CMIP: variants seen among roughly 807,000 people sequenced by gnomAD.
The protein encoded by CMIP is c-Maf inducing protein.
In CMIP, 13 loss-of-function variants were observed where a neutral mutation model predicts 97.3. The observed-to-expected ratio is 0.13, with a 90% CI of 0.09 to 0.21. CMIP has a LOEUF of 0.21. Ranked by LOEUF, CMIP falls within the 10% of genes least tolerant of loss-of-function variation. CMIP has a pLI of 1.00. For synonymous variants in CMIP, 538 were observed against 436.3 expected, an observed-to-expected ratio of 1.23 and a Z score of -2.91; for missense variants, 847 against 1,024.9, an observed-to-expected ratio of 0.83 and a Z score of 2.37.
At chr16:81,569,426 C>G (rs1239944478) in intron 1 of CMIP, among the ~76,000 whole-genome samples, 1 of 152,202 alleles carries the variant, frequency 6.6e-6, no homozygotes, top group African/African-American at 2.4e-5. Context: ...TTTTCCACCA[C>G]TGTTTGGTCC....
intron 7 of CMIP, among the ~76,000 whole-genome samples, chr16:81,669,165 C>CAT (rs2092650055): frequency 1.5e-5 from 2 of 129,148 alleles, no homozygotes; most frequent in East Asian, 5.1e-4. Context: ...ACACCCCTCT[C>CAT]ACCTCCTTCC....
chr16:81,670,618 T>A (rs2092673590), intron 8 of CMIP, among the ~76,000 whole-genome samples: 1 of 54,918 alleles, frequency 1.8e-5, no homozygotes, highest in African/African-American at 8.6e-5. Context: ...TTGGGTTTTT[T>A]TTGGGGGGGG....
intron 1 of CMIP, among the ~76,000 whole-genome samples, chr16:81,463,667 C>T (rs553342363): frequency 1.3e-5 from 2 of 152,204 alleles, no homozygotes; most frequent in Non-Finnish European, 2.9e-5. Flanking sequence ...GTGCCAGGCA[C>T]TTATTCAGCC....
chr16:81,637,663 G>T (rs764946505), intron 3 of CMIP, among the ~76,000 whole-genome samples: 1 of 152,166 alleles, frequency 6.6e-6, no homozygotes. Flanking sequence ...AACATGGCTT[G>T]CTTGAGCCTC....
At chr16:81,679,047 C>T (rs1304223197) in intron 10 of CMIP, among the ~76,000 whole-genome samples, 1 of 152,116 alleles carries the variant, frequency 6.6e-6, no homozygotes, top group Non-Finnish European at 1.5e-5. Context: ...CCAGGGTGTG[C>T]AGGAGCACAG....
chr16:81,506,379 C>G (rs2150784976), intron 1 of CMIP, among the ~76,000 whole-genome samples: 1 of 152,088 alleles, frequency 6.6e-6, no homozygotes, highest in East Asian at 1.9e-4. Flanking sequence ...GACCTCTGTT[C>G]TTAAGAGGTG....
In CMIP at chr16:81,606,229, G is replaced by A. The variant is rs559348447; in HGVS notation, c.301-1338G>A. On this transcript the variant is annotated intron_variant, in intron 1 of 20. Transcript: ENST00000537098. ...TGCCACTCCTAGCTAGATGACCTTGGGCAAATCACGTGACCTCCTGAGCCT... is the reference window on the plus strand; with the variant it reads ...TGCCACTCCTAGCTAGATGACCTTGAGCAAATCACGTGACCTCCTGAGCCT... Among the ~76,000 whole-genome samples the A allele has an allele frequency of 3.9e-5, 6 of 152,272 alleles. No homozygotes were observed. In the South Asian group the frequency reaches 6.2e-4, roughly 16 times the overall value.
At chr16:81,556,213 G>A (rs939000683) in intron 1 of CMIP, among the ~76,000 whole-genome samples, 10 of 152,100 alleles carry the variant, frequency 6.6e-5, no homozygotes, top group East Asian at 1.9e-4. Flanking sequence ...GTTCTAGCCC[G>A]GGTGGGGTGG....
At chr16:81,487,112 A>G (rs1347722796) in intron 1 of CMIP, among the ~76,000 whole-genome samples, 2 of 150,952 alleles carry the variant, frequency 1.3e-5, no homozygotes, top group South Asian at 2.1e-4. Context: ...GCCTCTGGTC[A>G]TGGGGGGCCC....
chr16:81,458,084 A>C (rs1299714254), intron 1 of CMIP, among the ~76,000 whole-genome samples: 1 of 152,212 alleles, frequency 6.6e-6, no homozygotes, highest in Non-Finnish European at 1.5e-5. Context: ...GTAAGGAAAA[A>C]TGACTTCAAA....
At chr16:81,600,139 AGTGGT>A (rs2091633336) in intron 1 of CMIP, among the ~76,000 whole-genome samples, 1 of 151,872 alleles carries the variant, frequency 6.6e-6, no homozygotes, top group South Asian at 2.1e-4. Flanking sequence ...ATTAGCCAGG[AGTGGT>A]GGTGGGTGAC....
intron 17 of CMIP, among the ~76,000 whole-genome samples, chr16:81,702,920 T>C (rs541185698): frequency 2.5e-4 from 38 of 152,230 alleles, no homozygotes; most frequent in Non-Finnish European, 5.0e-4. Context: ...TAGTTATTAA[T>C]AGTACTTGGA....
At chr16:81,452,877 TTTG>T (rs1468586744) in intron 1 of CMIP, among the ~76,000 whole-genome samples, 9 of 106,026 alleles carry the variant, frequency 8.5e-5, no homozygotes, top group African/African-American at 4.2e-4. Flanking sequence ...TTGTTTTTTT[TTTG>T]TTTTGTTTTT....
chr16:81,519,702 C>G (rs939657735), intron 1 of CMIP: 1 of 152,236 alleles, frequency 6.6e-6, no homozygotes, highest in African/African-American at 2.4e-5. Flanking sequence ...GGATAAAACA[C>G]ATGAAACAGC....
intron 1 of CMIP, among the ~76,000 whole-genome samples, chr16:81,498,802 C>A (rs1188010178): frequency 6.6e-6 from 1 of 152,202 alleles, no homozygotes; most frequent in Admixed American, 6.5e-5. Context: ...CCGTGCACAC[C>A]CAGCCCATAT....
chr16:81,467,376 C>T (rs1049550974), intron 1 of CMIP, among the ~76,000 whole-genome samples: 3 of 152,166 alleles, frequency 2.0e-5, no homozygotes, highest in Non-Finnish European at 4.4e-5. Context: ...GTGCCCCCAG[C>T]AGCGGTGCCT....
At chr16:81,476,303 T>G in intron 1 of CMIP, 1 of 1,553,182 alleles carries the variant, frequency 6.4e-7, no homozygotes, top group Non-Finnish European at 8.9e-7. Context: ...TTGCCACCAG[T>G]GCCATTACGG....
At chr16:81,484,077 T>C (rs1002410706) in intron 1 of CMIP, among the ~76,000 whole-genome samples, 6 of 152,200 alleles carry the variant, frequency 3.9e-5, no homozygotes, top group Non-Finnish European at 4.4e-5. Context: ...TGAGATTCAT[T>C]GGCGGACAAA....
chr16:81,526,404 A>G (rs768196771), intron 1 of CMIP, among the ~76,000 whole-genome samples: 14 of 152,224 alleles, frequency 9.2e-5, no homozygotes, highest in African/African-American at 2.7e-4. Flanking sequence ...TTAGTCATCA[A>G]TAGAAATCGC....
Sources: gnomAD v4.1 joint callset for allele counts (sites outside exome capture counted in the v4.1 genomes callset) on GRCh38, gnomAD v4.1.1 for gene constraint, MANE v1.5 for transcripts, NCBI Gene and HGNC (gene_info 2026-07-23, HGNC 2026-07-21) for gene names.